USH2A: variants seen among roughly 807,000 people sequenced by gnomAD.
USH2A encodes the protein Usher syndrome 2A (autosomal recessive, mild).
A neutral mutation model predicts 538.9 loss-of-function variants in USH2A; 443 were observed. The observed-to-expected ratio is 0.82, with a 90% CI of 0.76 to 0.89. The LOEUF is 0.89. USH2A is among the 40% of genes least tolerant of loss of function. USH2A has a pLI of 0.00. For synonymous variants in USH2A, 2,413 were observed against 2,273.5 expected, an observed-to-expected ratio of 1.06 and a Z score of -1.75; for missense variants, 6,633 against 6,324.8, an observed-to-expected ratio of 1.05 and a Z score of -1.65.
chr1:216,313,309 C>T (rs2102640119), intron 9 of USH2A, among the ~76,000 whole-genome samples: 1 of 152,174 alleles, frequency 6.6e-6, no homozygotes, highest in East Asian at 1.9e-4. Context: ...GACCAGTGGC[C>T]CAGGGGTTGG....
At chr1:216,209,580 A>G (rs964849720) in intron 15 of USH2A, among the ~76,000 whole-genome samples, 4 of 152,222 alleles carry the variant, frequency 2.6e-5, no homozygotes, top group African/African-American at 7.2e-5. Flanking sequence ...TCTAAAAGAT[A>G]TAATATAATC....
intron 44 of USH2A, among the ~76,000 whole-genome samples, chr1:215,864,158 T>C (rs2185315): frequency 0.065 from 9,958 of 152,212 alleles, 430 homozygotes; most frequent in East Asian, 0.18. Context: ...AGAAGGATCC[T>C]TTTAAATCCT....
At chr1:215,882,447 T>A (rs1194572653) in intron 41 of USH2A, among the ~76,000 whole-genome samples, 11 of 152,182 alleles carry the variant, frequency 7.2e-5, no homozygotes, top group Non-Finnish European at 2.9e-5. Flanking sequence ...TCACAATGTC[T>A]TCCTTTCCTT....
rs533262364 is a variant in USH2A, at chr1:216,279,288, G to A, written c.1971+9992C>T. 1.2e-3 allele frequency among the ~76,000 whole-genome samples: 176 copies of A among 152,008 alleles called. 1 individual carries two copies. Among genetic ancestry groups the A allele is most frequent in the South Asian group, 9.2e-3 (44 of 4,806 alleles). On this transcript the variant is annotated intron_variant, in intron 11 of 71. Transcript: ENST00000307340. ...TTAGGTGATATACTCTAATTTTAAA[G>A]GTAGAGCCCAGGGCACAATTCAAGC...
Position 216,250,950 on chromosome 1 carries a change from G to A in USH2A, c.2120C>T (p.Thr707Ile). The change falls in exon 12 of 72, where the codon ACC (threonine) becomes ATC (isoleucine). Residue 707 changes from threonine to isoleucine, a missense_variant. Physicochemically the swap from Thr to Ile is moderately conservative, Grantham distance 89 (BLOSUM62 -1). Coordinates refer to ENST00000307340, the MANE Select transcript of USH2A (RefSeq NM_206933.4). ...NTSGTVDGDI[T>I]CHQNSGQCKC... The stretch of plus-strand genomic sequence containing the variant: ...GCACTGGCCTGAATTTTGGTGACAG[G>A]TAATATCTCCATCCACTGTCCCAGA... 6.2e-7 allele frequency: 1 copy of A among 1,614,006 alleles called. No homozygotes were observed. Among genetic ancestry groups the A allele is most frequent in the South Asian group, 1.1e-5 (1 of 91,080 alleles).
chr1:215,994,738 A>G (rs1668094038), intron 34 of USH2A, among the ~76,000 whole-genome samples: 1 of 152,164 alleles, frequency 6.6e-6, no homozygotes, highest in African/African-American at 2.4e-5. Flanking sequence ...AAATGTGGCC[A>G]AACTCTGACT....
At chr1:215,711,360 C>G (rs899915439) in intron 61 of USH2A, among the ~76,000 whole-genome samples, 1 of 152,098 alleles carries the variant, frequency 6.6e-6, no homozygotes. Flanking sequence ...AATGCAGCAT[C>G]AAAACACCCT....
intron 67 of USH2A, among the ~76,000 whole-genome samples, chr1:215,643,561 T>C (rs1320322142): frequency 6.6e-6 from 1 of 151,904 alleles, no homozygotes; most frequent in Non-Finnish European, 1.5e-5. Flanking sequence ...AGTCTTGCTC[T>C]GTTGCCAAGG....
rs2102654132 is a variant in USH2A at position 216,324,244 on chromosome 1, T to A, written c.1252A>T (p.Asn418Tyr). 1.9e-6 allele frequency: 3 copies of A among 1,613,462 alleles called. No individual in the cohort carries two copies. The highest frequency in any genetic ancestry group is 2.5e-6 in the Non-Finnish European group (3 of 1,179,732). The change falls in exon 7 of 72, where the codon AAT (asparagine) becomes TAT (tyrosine). Residue 418 changes from asparagine (N) to tyrosine (Y), a missense_variant. Physicochemically the swap from Asn to Tyr is moderately radical, Grantham distance 143. Coordinates refer to ENST00000307340, the MANE Select transcript of USH2A (RefSeq NM_206933.4). ...TTTTTCATTCCAAAAGCACCACAATTCCTGGCAAAATATTGCCAGTCCTCC... is the reference window on the plus strand; with the variant it reads ...TTTTTCATTCCAAAAGCACCACAATACCTGGCAAAATATTGCCAGTCCTCC... Reference protein sequence around the residue: ...DWEDWQYFARNCGAFGMKNNG... With the variant: ...DWEDWQYFARYCGAFGMKNNG...
chr1:216,323,544 AGTACTGC>A lies in USH2A; in HGVS notation c.1473_1479del (p.Gln492IlefsTer97). 6.2e-7 allele frequency: 1 copy of A among 1,613,572 alleles called. No individual in the cohort carries two copies. Among genetic ancestry groups the A allele is most frequent in the Non-Finnish European group, 8.5e-7 (1 of 1,179,754 alleles). On this transcript the variant is annotated frameshift_variant, in exon 8 of 72. Transcript: ENST00000307340. LOFTEE classifies it high-confidence loss of function. ...AGGTTAACAGCAGTCTCAGTTGTAT[AGTACTGC>A]CCATGAAAATGAAACCTTATTTGCG... is the stretch of plus-strand genomic sequence containing the variant.
rs1571945556 is a variant in USH2A, at chr1:215,671,170, A to G, written c.13935T>C (p.Ala4645=). The change falls in exon 64 of 72, where the codon GCT becomes GCC. Residue 4645 remains alanine, a synonymous_variant. Transcript: ENST00000307340. ...QPPPHLEVQM[A]PGGFQPTVSL... is the part of the protein sequence containing the mutation. Reference sequence around the variant, plus strand: ...AAACAGTTGGCTGGAATCCTCCTGGAGCCATTTGTACCTCCAGATGTGGAG... The same window carrying G: ...AAACAGTTGGCTGGAATCCTCCTGGGGCCATTTGTACCTCCAGATGTGGAG... The G allele has an allele frequency of 1.2e-6, 2 of 1,614,064 alleles. No homozygotes were observed. The highest frequency in any genetic ancestry group is 1.1e-5 in the South Asian group (1 of 91,082).
chr1:216,344,325 C>T (rs573390118), intron 4 of USH2A, among the ~76,000 whole-genome samples: 5 of 152,236 alleles, frequency 3.3e-5, no homozygotes, highest in African/African-American at 1.2e-4. Flanking sequence ...AAATGCTCAA[C>T]TCAAATCAAC....
chr1:215,645,253 C>A (rs1656809619), intron 67 of USH2A, among the ~76,000 whole-genome samples: 2 of 152,030 alleles, frequency 1.3e-5, no homozygotes, highest in South Asian at 4.1e-4. Flanking sequence ...GGTTTGAAGT[C>A]TTGATTACAG....
chr1:216,141,954 GA>G (rs112639803), intron 21 of USH2A, among the ~76,000 whole-genome samples: 9,502 of 131,536 alleles, frequency 0.072, 400 homozygotes, highest in East Asian at 0.21. Context: ...ATTAGGAAAT[GA>G]AAAAAAAAAA....
At chr1:215,918,173 C>T (rs6540920) in intron 38 of USH2A, among the ~76,000 whole-genome samples, 147,596 of 152,156 alleles carry the variant, frequency 0.97, 71,605 homozygotes, top group East Asian at 1. Flanking sequence ...ATTGTAACAA[C>T]GGGATTGGAT....
At chr1:215,770,388 T>C (rs1418846525) in intron 55 of USH2A, among the ~76,000 whole-genome samples, 1 of 152,146 alleles carries the variant, frequency 6.6e-6, no homozygotes, top group Non-Finnish European at 1.5e-5. Context: ...CAAGTCATAA[T>C]TGTATACACT....
chr1:215,756,641 C>T (rs1660800889), intron 58 of USH2A, among the ~76,000 whole-genome samples: 1 of 152,118 alleles, frequency 6.6e-6, no homozygotes, highest in Non-Finnish European at 1.5e-5. Context: ...ACTAAAAAAT[C>T]GTGGCCAGGT....
rs537273185 is a variant in USH2A at position 216,243,525 on chromosome 1, G to A, written c.2809+3060C>T. 6.6e-5 allele frequency among the ~76,000 whole-genome samples: 10 copies of A among 152,212 alleles called. No individual in the cohort carries two copies. The East Asian group carries it at 1.9e-3, about 29-fold the overall frequency. On this transcript the variant is annotated intron_variant, in intron 13 of 71. Coordinates refer to ENST00000307340, the MANE Select transcript of USH2A (RefSeq NM_206933.4). ...GAGCATCTATTTGCCAGCCTCTTTTGCAGTGAGGTATGGATATACAAAGCA... is the reference window on the plus strand; with the variant it reads ...GAGCATCTATTTGCCAGCCTCTTTTACAGTGAGGTATGGATATACAAAGCA...
intron 70 of USH2A, among the ~76,000 whole-genome samples, chr1:215,632,957 C>T (rs1029887357): frequency 1.3e-5 from 2 of 152,182 alleles, no homozygotes; most frequent in Admixed American, 6.5e-5. Context: ...TGCCAGGCAC[C>T]GTTCTGGGTC....
Sources: gnomAD v4.1 joint callset for allele counts (sites outside exome capture counted in the v4.1 genomes callset) on GRCh38, gnomAD v4.1.1 for gene constraint, MANE v1.5 for transcripts, NCBI Gene and HGNC (gene_info 2026-07-23, HGNC 2026-07-21) for gene names.